ARSG: variants seen among roughly 807,000 people sequenced by gnomAD.
The protein encoded by ARSG is arylsulfatase G, also known as ASG.
In ARSG, 37 loss-of-function variants were observed where a neutral mutation model predicts 50.5. That is an observed-to-expected ratio of 0.73 (90% CI 0.56 to 0.96). ARSG has a LOEUF of 0.96. Among genes scored for constraint, ARSG ranks in the 50% least tolerant of loss-of-function variants. The probability of loss-of-function intolerance (pLI) is 0.00; values close to 1 mark genes in which losing one functional copy is unlikely to be tolerated. For missense variants in ARSG, 629 were observed against 675.3 expected, an observed-to-expected ratio of 0.93 and a Z score of 0.76; for synonymous variants, 225 against 254.6, an observed-to-expected ratio of 0.88 and a Z score of 1.11.
exon 1 of ARSG, chr17:68,259,343 G>T (rs1445322739): frequency 6.6e-6 from 1 of 152,230 alleles, no homozygotes; most frequent in African/African-American, 2.4e-5. Context: ...GCTGCGTGCC[G>T]TGCAGGCCTG....
rs74588734 is a variant in ARSG, at chr17:68,320,486, C to T, written c.218+12775C>T. On this transcript the variant is annotated intron_variant, in intron 2 of 11. Transcript: ENST00000621439. The stretch of plus-strand genomic sequence containing the variant: ...CAGACCTGATTCCTAGGATCTCCCT[C>T]GGGGCACTGTCCCAGGTGCTGGGAA... Among the ~76,000 whole-genome samples the T allele has an allele frequency of 8.9e-3, 1,354 of 152,196 alleles. 22 individuals carry two copies. Among genetic ancestry groups the T allele is most frequent in the African/African-American group, 0.031 (1,278 of 41,520 alleles).
chr17:68,372,725 T>C (rs2079911650), intron 8 of ARSG, among the ~76,000 whole-genome samples: 1 of 152,134 alleles, frequency 6.6e-6, no homozygotes. Flanking sequence ...TTTTCCCTGC[T>C]GTCAAACTCA....
chr17:68,372,874 CTG>C (rs2079921479), intron 8 of ARSG, among the ~76,000 whole-genome samples: 1 of 127,628 alleles, frequency 7.8e-6, no homozygotes, highest in Admixed American at 9.3e-5. Flanking sequence ...GAAGGAAATG[CTG>C]ATTTTTTTTT....
At chr17:68,293,095 A>T (rs1555756876) in intron 1 of ARSG, among the ~76,000 whole-genome samples, 2 of 152,234 alleles carry the variant, frequency 1.3e-5, no homozygotes, top group African/African-American at 2.4e-5. Context: ...ACTCCCTGTG[A>T]GAGAGAGCCC....
chr17:68,296,922 G>A (rs1182094044), intron 1 of ARSG, among the ~76,000 whole-genome samples: 1 of 152,236 alleles, frequency 6.6e-6, no homozygotes, highest in Non-Finnish European at 1.5e-5. Context: ...CATCTAAGTT[G>A]AGGGGAATGA....
chr17:68,363,611 G>A (rs572691609), intron 6 of ARSG, among the ~76,000 whole-genome samples: 4 of 152,220 alleles, frequency 2.6e-5, no homozygotes, highest in African/African-American at 9.6e-5. Flanking sequence ...GGGATTACAG[G>A]CATGCACCAC....
intron 1 of ARSG, among the ~76,000 whole-genome samples, chr17:68,306,212 G>A (rs1599645258): frequency 6.6e-6 from 1 of 151,946 alleles, no homozygotes; most frequent in Non-Finnish European, 1.5e-5. Flanking sequence ...ATGTTGGTCA[G>A]GCTGGTCTCA....
In ARSG at chr17:68,420,070, T is replaced by C. The variant is rs148235809; in HGVS notation, c.1304-119T>C. The C allele has an allele frequency of 2.6e-5, 30 of 1,168,564 alleles. No homozygotes were observed. In the African/African-American group the frequency reaches 2.6e-4, roughly 10 times the overall value. The allele number at this position is 1,168,564 out of a possible 1,614,324, so 72.4% of individuals were successfully genotyped here. The stretch of plus-strand genomic sequence containing the variant: ...ATTTCTTTGACAGAGAGAGCCATCA[T>C]TGGAACATTTGGTTATCTGGTATGT... On this transcript the variant is annotated intron_variant, in intron 11 of 11. Transcript: ENST00000621439.
intron 8 of ARSG, among the ~76,000 whole-genome samples, chr17:68,382,233 C>A (rs1188826730): frequency 6.6e-6 from 1 of 152,210 alleles, no homozygotes; most frequent in African/African-American, 2.4e-5. Context: ...GCGTGAGCCA[C>A]TGCACCCGGC....
chr17:68,289,404 A>G (rs1352697673), upstream of ARSG, among the ~76,000 whole-genome samples: 2 of 152,174 alleles, frequency 1.3e-5, no homozygotes, highest in East Asian at 3.8e-4. Flanking sequence ...GGCATGAAAA[A>G]AATTGTATTA....
intron 11 of ARSG, among the ~76,000 whole-genome samples, chr17:68,413,026 AT>A (rs1434849998): frequency 6.6e-6 from 1 of 150,648 alleles, no homozygotes; most frequent in Non-Finnish European, 1.5e-5. Context: ...ATTCTTCTAA[AT>A]TTTTTTCAAA....
chr17:68,350,729 G>C (rs964201450), intron 4 of ARSG, among the ~76,000 whole-genome samples: 2 of 152,176 alleles, frequency 1.3e-5, no homozygotes, highest in South Asian at 2.1e-4. Flanking sequence ...AGCTTGCATT[G>C]AGCCGAGATT....
At position 68,271,699 on chromosome 17, in the gene ARSG, T is replaced by C; in HGVS notation, c.-552+12273T>C. On this transcript the variant is annotated intron_variant, in intron 1 of 11. Coordinates refer to the ARSG transcript ENST00000448504. This position sits in a 1 kb window ranked among gnomAD's most constrained non-coding sequence, Gnocchi z 5.3. ...AGAAGAAATAATATAAGGTCAATAA[T>C]GGACTCAAGACCCAGGAGAAGCCAT... 6.7e-7 allele frequency: 1 copy of C among 1,500,028 alleles called. No individual in the cohort carries two copies. Among genetic ancestry groups the C allele is most frequent in the South Asian group, 1.2e-5 (1 of 83,650 alleles). The allele number at this position is 1,500,028 out of a possible 1,614,324, so 92.9% of individuals were successfully genotyped here.
intron 1 of ARSG, among the ~76,000 whole-genome samples, chr17:68,304,742 C>G (rs2076544487): frequency 6.6e-6 from 1 of 152,214 alleles, no homozygotes. Context: ...GTTGGACAGG[C>G]TGATCTTGAA....
the ARSG span, among the ~76,000 whole-genome samples, chr17:68,449,941 A>G: frequency 6.6e-6 from 1 of 152,110 alleles, no homozygotes; most frequent in African/African-American, 2.4e-5. Flanking sequence ...AGCCTGGGAG[A>G]TGGAGGCTGC....
At chr17:68,425,382 CT>C (rs112331284), downstream of ARSG, among the ~76,000 whole-genome samples, 60,671 of 131,842 alleles carry the variant, frequency 0.46, 13,672 homozygotes, top group Admixed American at 0.56. Context: ...TTTTTCTTTT[CT>C]TTTTTTTTTT....
Position 68,420,551 on chromosome 17 carries a change from A to C in ARSG, c.*88A>C. Reference sequence around the variant, plus strand: ...TCATTTTTACCCTCTTTACAAACACACGCTTTAGTTTAGTCTTGGAGTTTA... The same window carrying C: ...TCATTTTTACCCTCTTTACAAACACCCGCTTTAGTTTAGTCTTGGAGTTTA... On this transcript the variant is annotated 3_prime_UTR_variant, in exon 12 of 12. Transcript: ENST00000621439. The C allele has an allele frequency of 1.4e-6, 2 of 1,418,474 alleles. No individual in the cohort carries two copies. Among genetic ancestry groups the C allele is most frequent in the Non-Finnish European group, 2.0e-6 (2 of 1,024,818 alleles). 87.9% of individuals were successfully genotyped at this position (1,418,474 alleles called of 1,614,324 possible). A position where few individuals can be genotyped will look rare whatever the true frequency, so the allele number is the denominator to read the frequency against.
rs181511302 is a variant in ARSG, at chr17:68,277,529, A to G, written c.-552+18103A>G. Among the ~76,000 whole-genome samples, 478 of 152,242 alleles carry G rather than the reference A, an allele frequency of 3.1e-3. 7 individuals are homozygous for G. Among genetic ancestry groups the G allele is most frequent in the African/African-American group, 0.011 (437 of 41,552 alleles). The stretch of plus-strand genomic sequence containing the variant: ...ACTGCAACCTCCGCCTCCTGGGTTC[A>G]AGCAATTCTCGTGCCTCAGCCTCCC... On this transcript the variant is annotated intron_variant, in intron 1 of 11. Transcript: ENST00000448504.
At chr17:68,393,797 G>T (rs2042836155) in intron 9 of ARSG, among the ~76,000 whole-genome samples, 1 of 149,804 alleles carries the variant, frequency 6.7e-6, no homozygotes, top group South Asian at 2.1e-4. Context: ...AACCCTGGAG[G>T]CAGAGGCTGC....
Sources: gnomAD v4.1 joint callset for allele counts (sites outside exome capture counted in the v4.1 genomes callset) on GRCh38, gnomAD v4.1.1 for gene constraint, Gnocchi (gnomAD v3.1) non-coding constraint, MANE v1.5 for transcripts, NCBI Gene and HGNC (gene_info 2026-07-23, HGNC 2026-07-21) for gene names.